Variants in GLIS3 observed in about 807,000 individuals in gnomAD.
GLIS3 encodes the protein GLIS family zinc finger 3.
GLIS3 carries 53 observed loss-of-function variants against 78.6 expected under a neutral mutation model. The observed-to-expected ratio is 0.67, with a 90% CI of 0.54 to 0.85. The LOEUF (loss-of-function observed/expected upper bound fraction) is 0.85, where lower values mean the gene tolerates loss of function less well. Among genes scored for constraint, GLIS3 ranks in the 40% least tolerant of loss-of-function variants. GLIS3 has a pLI of 0.00. For synonymous variants in GLIS3, 684 were observed against 509.9 expected (o/e 1.34, Z -4.60); for missense variants, 1,703 against 1,231.1 (o/e 1.38, Z -5.74).
At chr9:4,206,648 C>A (rs1052896530) in intron 2 of GLIS3, among the ~76,000 whole-genome samples, 1 of 152,208 alleles carries the variant, frequency 6.6e-6, no homozygotes, top group Non-Finnish European at 1.5e-5. Flanking sequence ...AGGCCTCACA[C>A]CTTAAATTCT....
intron 4 of GLIS3, among the ~76,000 whole-genome samples, chr9:3,953,795 C>CTATATATATA (rs57500093): frequency 2.7e-4 from 20 of 73,330 alleles, no homozygotes; most frequent in Admixed American, 1.0e-3. Flanking sequence ...CTCTCTCTCT[C>CTATATATATA]TATATATATA....
chr9:4,148,367 T>A (rs1834390526), intron 2 of GLIS3, among the ~76,000 whole-genome samples: 1 of 151,970 alleles, frequency 6.6e-6, no homozygotes, highest in Non-Finnish European at 1.5e-5. Context: ...CATCCCCACG[T>A]CCCCATACTC....
chr9:4,209,405 G>C (rs144026074), intron 2 of GLIS3, among the ~76,000 whole-genome samples: 1 of 152,100 alleles, frequency 6.6e-6, no homozygotes, highest in Non-Finnish European at 1.5e-5. Context: ...GAAACTAAAC[G>C]TCTTGGAATC....
At chr9:4,285,715 G>T (rs989676246) in intron 2 of GLIS3, 5 of 349,684 alleles carry the variant, frequency 1.4e-5, no homozygotes, top group South Asian at 3.1e-5. Flanking sequence ...ACCTGTATCC[G>T]GAGGGCATGA....
At chr9:3,971,405 A>T (rs1184238182) in intron 4 of GLIS3, among the ~76,000 whole-genome samples, 1 of 152,210 alleles carries the variant, frequency 6.6e-6, no homozygotes, top group African/African-American at 2.4e-5. Context: ...TCATTATCTG[A>T]TCCCTATGCA....
intron 4 of GLIS3, among the ~76,000 whole-genome samples, chr9:3,967,287 T>G (rs973492666): frequency 1.3e-5 from 2 of 152,098 alleles, no homozygotes; most frequent in Non-Finnish European, 2.9e-5. Flanking sequence ...GCAGATCACC[T>G]AAGATCAGGA....
intron 2 of GLIS3, among the ~76,000 whole-genome samples, chr9:4,129,814 T>C (rs373438538): frequency 2.0e-5 from 3 of 152,178 alleles, no homozygotes; most frequent in African/African-American, 7.2e-5. Flanking sequence ...GAATTGGGTA[T>C]GGACAGAAGT....
At chr9:4,235,030 G>T (rs1172883440) in intron 2 of GLIS3, among the ~76,000 whole-genome samples, 1 of 152,096 alleles carries the variant, frequency 6.6e-6, no homozygotes, top group Non-Finnish European at 1.5e-5. Context: ...CAGGCGCGGT[G>T]GCTCACGCCT....
At chr9:4,394,401 T>C in the GLIS3 span, among the ~76,000 whole-genome samples, 9 of 152,148 alleles carry the variant, frequency 5.9e-5, no homozygotes, top group Admixed American at 5.9e-4. Context: ...GGGGTGGTTG[T>C]GAGTCTTCAT....
the GLIS3 span, among the ~76,000 whole-genome samples, chr9:4,409,184 G>T: frequency 2.0e-5 from 3 of 152,102 alleles, no homozygotes; most frequent in African/African-American, 7.2e-5. Context: ...TCCTCTTGGA[G>T]CACTGAGACC....
chr9:4,255,675 A>G (rs1824858516), intron 2 of GLIS3, among the ~76,000 whole-genome samples: 1 of 152,188 alleles, frequency 6.6e-6, no homozygotes, highest in African/African-American at 2.4e-5. Flanking sequence ...AACTATAGAG[A>G]GTAAAAAGAT....
rs764235955 is a variant in GLIS3, at chr9:4,118,210, T to C, written c.1268A>G (p.Gln423Arg). ...VQHGLPGPDS[Q>R]SAGLFKTERL... ...TTCGGTCTTGAACAGGCCGGCCGAC[T>C]GGCTGTCGGGGCCCGGCAGGCCATG... Residue 423 changes from glutamine (Q) to arginine (R), a missense_variant, in exon 4 of 11, where the codon CAG (glutamine) becomes CGG (arginine). Gln to Arg is a conservative substitution (Grantham distance 43). Coordinates refer to ENST00000381971, the MANE Select transcript of GLIS3 (RefSeq NM_001042413.2). The surrounding 1 kb of genome is among the most constrained non-coding windows in gnomAD (Gnocchi z 4.7). 1.9e-6 allele frequency: 3 copies of C among 1,585,178 alleles called. No individual in the cohort carries two copies. Among genetic ancestry groups the C allele is most frequent in the Non-Finnish European group, 8.6e-7 (1 of 1,165,626 alleles).
the GLIS3 span, among the ~76,000 whole-genome samples, chr9:4,374,556 G>A: frequency 6.6e-6 from 1 of 152,236 alleles, no homozygotes; most frequent in African/African-American, 2.4e-5. Flanking sequence ...ACACATGGCG[G>A]CTGTCTCTCT....
At chr9:4,317,927 C>T (rs982028501) in intron 2 of GLIS3, among the ~76,000 whole-genome samples, 4 of 152,144 alleles carry the variant, frequency 2.6e-5, no homozygotes, top group African/African-American at 9.7e-5. Context: ...GGAATTGTTC[C>T]TTGTATGATT....
intron 2 of GLIS3, among the ~76,000 whole-genome samples, chr9:4,191,921 G>A (rs1818367087): frequency 6.6e-6 from 1 of 151,928 alleles, no homozygotes; most frequent in African/African-American, 2.4e-5. Flanking sequence ...AAACAAATTA[G>A]ATAAACCAAA....
chr9:3,872,897 A>C (rs1821058139), intron 8 of GLIS3, among the ~76,000 whole-genome samples: 4 of 152,228 alleles, frequency 2.6e-5, no homozygotes. Flanking sequence ...ACCAAACCCC[A>C]GATTTGCAGG....
intron 2 of GLIS3, among the ~76,000 whole-genome samples, chr9:4,247,196 C>A (rs2129796041): frequency 6.6e-6 from 1 of 152,318 alleles, no homozygotes; most frequent in East Asian, 1.9e-4. Context: ...CATTTCACAA[C>A]TACTTGAATT....
chr9:3,894,375 CTA>C (rs1182491142), intron 7 of GLIS3, among the ~76,000 whole-genome samples: 3 of 152,176 alleles, frequency 2.0e-5, no homozygotes, highest in African/African-American at 7.2e-5. Context: ...TGAGAACAGA[CTA>C]TATGAAGCAC....
intron 6 of GLIS3, among the ~76,000 whole-genome samples, chr9:3,902,425 G>A (rs904888321): frequency 2.6e-5 from 4 of 152,158 alleles, no homozygotes; most frequent in African/African-American, 7.2e-5. Context: ...CTTGGGAGGG[G>A]TGTCTTTCAA....
Sources: allele counts gnomAD v4.1 joint callset (sites outside exome capture counted in the v4.1 genomes callset), GRCh38; gene constraint gnomAD v4.1.1; non-coding constraint Gnocchi (gnomAD v3.1); transcripts MANE v1.5; gene names NCBI Gene and HGNC (gene_info 2026-07-23, HGNC 2026-07-21).